Variants in JHY observed in about 807,000 individuals in gnomAD.
JHY encodes jhy protein homolog.
Under a neutral mutation model 78.0 loss-of-function variants are expected in JHY, and 69 were observed. The observed-to-expected ratio is 0.88, with a 90% CI of 0.73 to 1.08. JHY has a LOEUF of 1.08. JHY is among the 50% of genes least tolerant of loss of function. JHY has a pLI of 0.00. For missense variants in JHY, 944 were observed against 927.8 expected, an observed-to-expected ratio of 1.02 and a Z score of -0.23; for synonymous variants, 368 against 342.6, an observed-to-expected ratio of 1.07 and a Z score of -0.82.
intron 7 of JHY, among the ~76,000 whole-genome samples, chr11:122,956,993 A>G (rs1351859293): frequency 6.6e-6 from 1 of 152,148 alleles, no homozygotes; most frequent in African/African-American, 2.4e-5. Flanking sequence ...GTGAAAGGAG[A>G]TCTTCATTTA....
At chr11:122,896,184 G>T (rs1862736828) in intron 2 of JHY, among the ~76,000 whole-genome samples, 1 of 151,888 alleles carries the variant, frequency 6.6e-6, no homozygotes, top group Non-Finnish European at 1.5e-5. Flanking sequence ...GTATTTTCTA[G>T]GTTCCACTTA....
intron 5 of JHY, among the ~76,000 whole-genome samples, chr11:122,939,478 A>G (rs1863827600): frequency 6.6e-6 from 1 of 151,856 alleles, no homozygotes; most frequent in Admixed American, 6.6e-5. Flanking sequence ...TTACCATTCA[A>G]CCATCTGTTC....
Position 122,946,622 on chromosome 11 carries a change from G to A in JHY, c.1759G>A (p.Ala587Thr). 1 of 1,614,148 alleles carries A rather than the reference G, an allele frequency of 6.2e-7. No homozygotes were observed. The highest frequency in any genetic ancestry group is 8.5e-7 in the Non-Finnish European group (1 of 1,180,018). ...QLTDVQPSEG[A>T]LSSVTLPPIL... ...GACCGACGTGCAGCCCAGTGAAGGGGCCTTATCCAGCGTCACGCTTCCACC... is the reference window on the plus strand; with the variant it reads ...GACCGACGTGCAGCCCAGTGAAGGGACCTTATCCAGCGTCACGCTTCCACC... Residue 587 changes from alanine (A) to threonine (T), a missense_variant, in exon 6 of 9, where the codon GCC (alanine) becomes ACC (threonine). Physicochemically the swap from Ala to Thr is moderately conservative, Grantham distance 58 (BLOSUM62 0). Transcript: ENST00000227349.
At chr11:122,922,654 C>G (rs560186103) in intron 3 of JHY, among the ~76,000 whole-genome samples, 1 of 151,636 alleles carries the variant, frequency 6.6e-6, no homozygotes, top group Admixed American at 6.6e-5. Context: ...ACTAAAAATA[C>G]AAAAAATTAG....
In JHY at chr11:122,956,416, C is replaced by T. The variant is rs2135383981; in HGVS notation, c.1930-80C>T. 4 of 1,195,256 alleles carry T rather than the reference C, an allele frequency of 3.3e-6. No individual in the cohort carries two copies. The South Asian group carries it at 5.5e-5, about 16-fold the overall frequency. The allele number at this position is 1,195,256 out of a possible 1,614,324, so 74.0% of individuals were successfully genotyped here. On this transcript the variant is annotated intron_variant, in intron 6 of 8. Coordinates refer to ENST00000227349, the MANE Select transcript of JHY (RefSeq NM_024806.4). The stretch of plus-strand genomic sequence containing the variant: ...TTATTTTCTTTCTTACTTTATGTGG[C>T]TATGACACCTTACAGGGTGTTAGGA...
intron 6 of JHY, among the ~76,000 whole-genome samples, chr11:122,952,312 A>G (rs1312113114): frequency 2.6e-5 from 4 of 152,206 alleles, no homozygotes; most frequent in Non-Finnish European, 5.9e-5. Context: ...TGTGAATTAT[A>G]TCTCAATAAG....
chr11:122,912,890 C>A (rs554562994), intron 3 of JHY, among the ~76,000 whole-genome samples: 89 of 151,838 alleles, frequency 5.9e-4, no homozygotes, highest in African/African-American at 2.1e-3. Context: ...GAATTTATAC[C>A]AAGCTACGGA....
intron 5 of JHY, among the ~76,000 whole-genome samples, chr11:122,942,771 C>G (rs981670295): frequency 6.6e-6 from 1 of 152,158 alleles, no homozygotes; most frequent in African/African-American, 2.4e-5. Context: ...AAGGCTTTCT[C>G]CTTTTCCAAT....
intron 2 of JHY, among the ~76,000 whole-genome samples, chr11:122,891,441 A>C (rs188784446): frequency 6.6e-6 from 1 of 152,200 alleles, no homozygotes; most frequent in Admixed American, 6.5e-5. Context: ...TCTTCACGTG[A>C]TAATCCTTAA....
At position 122,961,117 on chromosome 11, in the gene JHY, AAAC is replaced by A; in HGVS notation, c.*1674_*1676del. On this transcript the variant is annotated 3_prime_UTR_variant, in exon 9 of 9. Coordinates refer to ENST00000227349, the MANE Select transcript of JHY (RefSeq NM_024806.4). ...TATCTATCCCAATTGAGAGAGCCAG[AAAC>A]AGTTGACTGACTAAATGGAAACTAG... 1 of 931,148 alleles carries A rather than the reference AAAC, an allele frequency of 1.1e-6. No homozygotes were observed. The highest frequency in any genetic ancestry group is 1.7e-6 in the Non-Finnish European group (1 of 592,090). 57.7% of individuals were successfully genotyped at this position (931,148 alleles called of 1,614,324 possible).
intron 4 of JHY, among the ~76,000 whole-genome samples, chr11:122,929,874 G>C (rs1284844973): frequency 6.6e-6 from 1 of 152,100 alleles, no homozygotes; most frequent in Non-Finnish European, 1.5e-5. Context: ...GAAATAACTT[G>C]AAAATAAAAA....
chr11:122,895,451 A>G (rs1862719099), intron 2 of JHY, among the ~76,000 whole-genome samples: 1 of 152,242 alleles, frequency 6.6e-6, no homozygotes, highest in South Asian at 2.1e-4. Context: ...CTCTAATTTT[A>G]GTAATTTTTT....
At chr11:122,957,819 A>G (rs546086267) in intron 8 of JHY, among the ~76,000 whole-genome samples, 1 of 151,928 alleles carries the variant, frequency 6.6e-6, no homozygotes, top group East Asian at 1.9e-4. Flanking sequence ...AGTCACACAC[A>G]CACACACACA....
At chr11:122,931,780 A>G (rs952933474) in intron 4 of JHY, among the ~76,000 whole-genome samples, 2 of 152,168 alleles carry the variant, frequency 1.3e-5, no homozygotes, top group Non-Finnish European at 2.9e-5. Flanking sequence ...TCTGCTGATG[A>G]AATGTGAAAA....
rs1357489638 is a variant in JHY, at chr11:122,898,850, T to C, written c.345-5075T>C. On this transcript the variant is annotated intron_variant, in intron 2 of 8. Coordinates refer to ENST00000227349, the MANE Select transcript of JHY (RefSeq NM_024806.4). The surrounding 1 kb of genome is among the most constrained non-coding windows in gnomAD (Gnocchi z 4.4). ...CTCGAGATCTGACCTTTGCTTGCCC[T>C]TGAGCTGTGCTCCTCGACCTGCCCT... Among the ~76,000 whole-genome samples, 1 of 152,254 alleles carries C rather than the reference T, an allele frequency of 6.6e-6. No homozygotes were observed. Among genetic ancestry groups the C allele is most frequent in the Non-Finnish European group, 1.5e-5 (1 of 68,040 alleles).
In JHY at chr11:122,951,422, G is replaced by A. The variant is rs1864080861; in HGVS notation, c.1929+4630G>A. 3.3e-5 allele frequency among the ~76,000 whole-genome samples: 5 copies of A among 152,344 alleles called. No individual in the cohort carries two copies. In the South Asian group the frequency reaches 1.0e-3, roughly 32 times the overall value. ...TGTTGTCACAGACAATCTGGGCATTGCTGCTTGACTGCTTCTAAGAAGGGG... is the reference window on the plus strand; with the variant it reads ...TGTTGTCACAGACAATCTGGGCATTACTGCTTGACTGCTTCTAAGAAGGGG... On this transcript the variant is annotated intron_variant, in intron 6 of 8. Coordinates refer to ENST00000227349, the MANE Select transcript of JHY (RefSeq NM_024806.4).
At position 122,898,241 on chromosome 11, in the gene JHY, T is replaced by C. The variant is rs1461841493; in HGVS notation, c.345-5684T>C. On this transcript the variant is annotated intron_variant, in intron 2 of 8. Transcript: ENST00000227349. The surrounding 1 kb of genome is among the most constrained non-coding windows in gnomAD (Gnocchi z 4.4). ...TGCCTGTATGTAGGGAGGTGTTCCATGCTTATCTGTTGACCGACTGATCCA... is the reference window on the plus strand; with the variant it reads ...TGCCTGTATGTAGGGAGGTGTTCCACGCTTATCTGTTGACCGACTGATCCA... Among the ~76,000 whole-genome samples the C allele has an allele frequency of 6.6e-6, 1 of 152,196 alleles. No individual in the cohort carries two copies. The highest frequency in any genetic ancestry group is 1.5e-5 in the Non-Finnish European group (1 of 68,022).
At position 122,946,724 on chromosome 11, in the gene JHY, A is replaced by C; in HGVS notation, c.1861A>C (p.Ser621Arg). 6.2e-7 allele frequency: 1 copy of C among 1,614,216 alleles called. No homozygotes were observed. Among genetic ancestry groups the C allele is most frequent in the East Asian group, 2.2e-5 (1 of 44,884 alleles). The part of the protein sequence containing the change: ...SQRNQVKISR[S>R]NSEGYLFQLE... ...AAGAAACCAAGTGAAAATTAGCCGT[A>C]GCAATTCTGAAGGCTATCTGTTTCA... Residue 621 changes from serine to arginine, a missense_variant, in exon 6 of 9, where the codon AGC (serine) becomes CGC (arginine). Physicochemically the swap from Ser to Arg is moderately radical, Grantham distance 110. Transcript: ENST00000227349.
At chr11:122,915,092 C>T (rs1863207975) in intron 3 of JHY, among the ~76,000 whole-genome samples, 1 of 151,980 alleles carries the variant, frequency 6.6e-6, no homozygotes, top group African/African-American at 2.4e-5. Flanking sequence ...CCTTTGAAAA[C>T]CAGAAATTTA....
Sources: allele counts gnomAD v4.1 joint callset (sites outside exome capture counted in the v4.1 genomes callset), GRCh38; gene constraint gnomAD v4.1.1; non-coding constraint Gnocchi (gnomAD v3.1); transcripts MANE v1.5; gene names NCBI Gene and HGNC (gene_info 2026-07-23, HGNC 2026-07-21).